The following CYP7A1 variants were observed in gnomAD, a reference collection of about 807,000 sequenced individuals.
The protein encoded by CYP7A1 is cytochrome P450 7A1.
CYP7A1 carries 28 observed loss-of-function variants against 43.8 expected under a neutral mutation model. That is an observed-to-expected ratio of 0.64 (90% CI 0.47 to 0.88). The LOEUF (loss-of-function observed/expected upper bound fraction) is 0.88. CYP7A1 is among the 40% of genes least tolerant of loss of function. CYP7A1 has a pLI of 0.00. For synonymous variants in CYP7A1, 227 were observed against 222.5 expected (o/e 1.02, Z -0.18); for missense variants, 637 against 611.9 (o/e 1.04, Z -0.43).
chr8:58,492,617 TG>T (rs1444885183), intron 4 of CYP7A1, 89 bp from the exon 5 acceptor site: 2 of 1,075,050 alleles, frequency 1.9e-6, no homozygotes, highest in Non-Finnish European at 2.8e-6. Flanking sequence ...GAAGGTCATA[TG>T]ATATAGAGTC....
chr8:58,494,454 G>A (rs1246795657), intron 4 of CYP7A1, 52 bp downstream of exon 4: 3 of 1,580,790 alleles, frequency 1.9e-6, no homozygotes, highest in Non-Finnish European at 2.6e-6. Flanking sequence ...GGTCATTATT[G>A]TTAAAGTAGT....
At chr8:58,496,521 A>G in intron 3 of CYP7A1, 83 bp downstream of exon 3, 2 of 1,083,084 alleles carry the variant, frequency 1.8e-6, no homozygotes, top group Non-Finnish European at 2.7e-6. Context: ...AAGTACTACG[A>G]GGCTTTTTTT....
rs774771534 is a variant in CYP7A1 at position 58,500,112 on chromosome 8, G to A, written c.-14C>T. On this transcript the variant is annotated 5_prime_UTR_variant, in exon 1 of 6. Transcript: ENST00000301645. ...TGTGGTCATCATTTTGCAAATCTAG[G>A]CCAAAATCTCTGAGGAAGAAAATCT... 3 of 1,606,544 alleles carry A rather than the reference G, an allele frequency of 1.9e-6. No individual in the cohort carries two copies. Among genetic ancestry groups the A allele is most frequent in the East Asian group, 4.5e-5 (2 of 44,760 alleles).
At position 58,500,002 on chromosome 8, in the gene CYP7A1, G is replaced by T; in HGVS notation, c.80+17C>A. On this transcript the variant is annotated intron_variant, in intron 1 of 5. Coordinates refer to ENST00000301645, the MANE Select transcript of CYP7A1 (RefSeq NM_000780.4). ...TGGATGAATCAAAGAGCAATTTAAAGATAAAACATTACTTACCTTCTCCTA... is the reference window on the plus strand; with the variant it reads ...TGGATGAATCAAAGAGCAATTTAAATATAAAACATTACTTACCTTCTCCTA... The T allele has an allele frequency of 1.3e-6, 2 of 1,598,060 alleles. No homozygotes were observed. Among genetic ancestry groups the T allele is most frequent in the Non-Finnish European group, 1.7e-6 (2 of 1,165,888 alleles).
chr8:58,493,487 T>C (rs1428109426), intron 4 of CYP7A1, among the ~76,000 whole-genome samples: 2 of 152,202 alleles, frequency 1.3e-5, no homozygotes, highest in African/African-American at 2.4e-5. Flanking sequence ...CCTGACCTTT[T>C]AGCCGTATCC....
chr8:58,496,306 T>C (rs1809441549), intron 3 of CYP7A1, among the ~76,000 whole-genome samples: 2 of 152,230 alleles, frequency 1.3e-5, no homozygotes, highest in African/African-American at 4.8e-5. Flanking sequence ...GCAAGGGCTC[T>C]GGGCCAGGCA....
chr8:58,495,461 CT>C, intron 3 of CYP7A1, among the ~76,000 whole-genome samples: 2 of 152,188 alleles, frequency 1.3e-5, no homozygotes, highest in South Asian at 4.1e-4. Flanking sequence ...ATCTCCTGAC[CT>C]TGTGATCCGC....
rs1184962029 is a variant in CYP7A1 at position 58,492,385 on chromosome 8, G to T, written c.1183C>A (p.His395Asn). ...DIIALYPQLMHLDPEIYPDPL... is the reference protein window; with the variant it reads ...DIIALYPQLMNLDPEIYPDPL... ...TCTGGGTAGATTTCTGGATCTAAGT[G>T]CATTAACTGTGGGTAAAGAGCTATG... The change falls in exon 5 of 6, where the codon CAC (histidine) becomes AAC (asparagine). Residue 395 changes from histidine (H) to asparagine (N), a missense_variant. By Grantham distance (68) the His-to-Asn change is moderately conservative. Transcript: ENST00000301645. 1.2e-6 allele frequency: 2 copies of T among 1,614,026 alleles called. No homozygotes were observed. The highest frequency in any genetic ancestry group is 8.5e-7 in the Non-Finnish European group (1 of 1,179,940).
Position 58,491,724 on chromosome 8 carries a change from G to A in CYP7A1, c.1266C>T (p.Thr422=), listed in dbSNP as rs915543380. ...YLDENGKTKT[T]FYCNGLKLKY... ...TTAACTTGAGTCCATTACAATAGAA[G>A]GTAGTCTTTGTCTTCCCGTTTTCAT... The change falls in exon 6 of 6, where the codon ACC becomes ACT. Residue 422 remains threonine (T), a synonymous_variant. Coordinates refer to ENST00000301645, the MANE Select transcript of CYP7A1 (RefSeq NM_000780.4). 5.6e-6 allele frequency: 9 copies of A among 1,613,366 alleles called. No homozygotes were observed. Among genetic ancestry groups the A allele is most frequent in the Non-Finnish European group, 7.6e-6 (9 of 1,179,366 alleles).
intron 2 of CYP7A1, among the ~76,000 whole-genome samples, chr8:58,497,686 A>G (rs1441895449): frequency 6.6e-6 from 1 of 152,078 alleles, no homozygotes; most frequent in Non-Finnish European, 1.5e-5. Context: ...CCAGCTGTAG[A>G]TGTATTTTAA....
chr8:58,492,203 T>C (rs1809362111), intron 5 of CYP7A1, 150 bp downstream of exon 5: 2 of 801,736 alleles, frequency 2.5e-6, no homozygotes, highest in Admixed American at 2.1e-5. Flanking sequence ...ACTATCTAAA[T>C]TTTCCAAAAT....
intron 1 of CYP7A1, among the ~76,000 whole-genome samples, chr8:58,499,692 T>C (rs1049655295): frequency 2.6e-5 from 4 of 152,172 alleles, no homozygotes; most frequent in Admixed American, 1.3e-4. Flanking sequence ...CTTGTATCCT[T>C]ACTAATCTGG....
intron 2 of CYP7A1, 144 bp from the exon 3 acceptor site, chr8:58,497,334 T>G: frequency 1.4e-6 from 1 of 739,946 alleles, no homozygotes; most frequent in Middle Eastern, 3.4e-4. Flanking sequence ...TTCATAGCAC[T>G]TTACAAATAA....
chr8:58,492,366 T>C lies in CYP7A1; in HGVS notation c.1202A>G (p.Tyr401Cys). ...GCAGGCACTTACCAAAGGGTCTGGG[T>C]AGATTTCTGGATCTAAGTGCATTAA... ...PQLMHLDPEI[Y>C]PDPLTFKYDR... The change falls in exon 5 of 6, where the codon TAC becomes TGC. Residue 401 changes from tyrosine (Y) to cysteine (C), a missense_variant. Physicochemically the swap from Tyr to Cys is radical, Grantham distance 194 (BLOSUM62 -2). Coordinates refer to ENST00000301645, the MANE Select transcript of CYP7A1 (RefSeq NM_000780.4). 6.2e-7 allele frequency: 1 copy of C among 1,613,932 alleles called. No homozygotes were observed. Among genetic ancestry groups the C allele is most frequent in the Non-Finnish European group, 8.5e-7 (1 of 1,179,828 alleles).
chr8:58,497,963 C>T (rs1809473785), intron 2 of CYP7A1, among the ~76,000 whole-genome samples: 1 of 152,192 alleles, frequency 6.6e-6, no homozygotes, highest in African/African-American at 2.4e-5. Flanking sequence ...TCGTACAGTG[C>T]CACCTGTCTC....
Position 58,491,746 on chromosome 8 carries a change from T to G in CYP7A1, c.1244A>C (p.Glu415Ala). Residue 415 changes from glutamate to alanine, a missense_variant, in exon 6 of 6, where the codon GAA becomes GCA. Glu to Ala is a moderately radical substitution (Grantham distance 107). Coordinates refer to ENST00000301645, the MANE Select transcript of CYP7A1 (RefSeq NM_000780.4). Reference protein sequence around the residue: ...LTFKYDRYLDENGKTKTTFYC... With the variant: ...LTFKYDRYLDANGKTKTTFYC... ...GAAGGTAGTCTTTGTCTTCCCGTTT[T>G]CATCAAGATACCTATCATATTTAAA... is the stretch of plus-strand genomic sequence containing the variant. The G allele has an allele frequency of 6.2e-7, 1 of 1,613,840 alleles. No homozygotes were observed. Among genetic ancestry groups the G allele is most frequent in the Non-Finnish European group, 8.5e-7 (1 of 1,179,726 alleles).
At chr8:58,498,508 A>G (rs1002567960) in intron 1 of CYP7A1, 39 bp from the exon 2 acceptor site, 3 of 1,612,812 alleles carry the variant, frequency 1.9e-6, no homozygotes, top group Non-Finnish European at 2.5e-6. Flanking sequence ...GGATGATTAC[A>G]GTTTTGGGTT....
In CYP7A1 at chr8:58,498,473, T is replaced by C. The variant is rs755335090; in HGVS notation, c.81-4A>G. ...TAGAGGTGGTTCACCCGTTTGCCTG[T>C]CAGACACAAGTGTATGATAGACATG... On this transcript the variant is annotated splice_region_variant and splice_polypyrimidine_tract_variant and intron_variant, in intron 1 of 5. Transcript: ENST00000301645. 6.2e-7 allele frequency: 1 copy of C among 1,614,066 alleles called. No individual in the cohort carries two copies. The highest frequency in any genetic ancestry group is 8.5e-7 in the Non-Finnish European group (1 of 1,179,962).
In CYP7A1 at chr8:58,491,534, A is replaced by G; in HGVS notation, c.1456T>C (p.Leu486=). 2 of 1,614,208 alleles carry G rather than the reference A, an allele frequency of 1.2e-6. No individual in the cohort carries two copies. Among genetic ancestry groups the G allele is most frequent in the Non-Finnish European group, 8.5e-7 (1 of 1,180,022 alleles). ...CPPLDQSRAG[L]GILPPLNDIE... is the part of the protein sequence containing the mutation. ...TCATTCAATGGCGGCAAAATGCCCA[A>G]GCCTGCCCGGGACTGGTCCAAAGGT... is the stretch of plus-strand genomic sequence containing the variant. The change falls in exon 6 of 6, where the codon TTG becomes CTG. Residue 486 remains leucine (L), a synonymous_variant. Transcript: ENST00000301645.
Sources: allele counts gnomAD v4.1 joint callset (sites outside exome capture counted in the v4.1 genomes callset), GRCh38; gene constraint gnomAD v4.1.1; transcripts MANE v1.5; gene names NCBI Gene and HGNC (gene_info 2026-07-23, HGNC 2026-07-21).